Variants in PGCKA1 observed in about 807,000 individuals in gnomAD.
The protein encoded by PGCKA1 is PDCD10 and GCKIII kinases associated 1, also known as PDCD10 and GCKIII kinases-associated protein 1.
At chr4:37,577,964 A>C in the PGCKA1 span, among the ~76,000 whole-genome samples, 2 of 152,224 alleles carry the variant, frequency 1.3e-5, no homozygotes, top group African/African-American at 4.8e-5. Flanking sequence ...TTTGTGACCT[A>C]ACATATGGTC....
the PGCKA1 span, among the ~76,000 whole-genome samples, chr4:37,485,258 A>T: frequency 6.6e-6 from 1 of 152,158 alleles, no homozygotes; most frequent in Non-Finnish European, 1.5e-5. Flanking sequence ...TGTCCCCCAA[A>T]GTTCATGAGT....
the PGCKA1 span, among the ~76,000 whole-genome samples, chr4:37,521,933 T>C: frequency 3.9e-5 from 6 of 152,268 alleles, no homozygotes; most frequent in Non-Finnish European, 5.9e-5. Flanking sequence ...TTTATCTTTA[T>C]GTAGTGACCT....
the PGCKA1 span, among the ~76,000 whole-genome samples, chr4:37,495,778 C>T: frequency 6.6e-6 from 1 of 151,884 alleles, no homozygotes; most frequent in East Asian, 1.9e-4. Context: ...ATGGGTGCAG[C>T]AAACCACCAT....
the PGCKA1 span, among the ~76,000 whole-genome samples, chr4:37,473,783 G>C: frequency 6.6e-6 from 1 of 151,986 alleles, no homozygotes; most frequent in South Asian, 2.1e-4. Context: ...CAGAATATAT[G>C]CACCACTCAT....
the PGCKA1 span, among the ~76,000 whole-genome samples, chr4:37,574,535 T>G: frequency 6.6e-6 from 1 of 152,216 alleles, no homozygotes; most frequent in Non-Finnish European, 1.5e-5. Context: ...AGGCTTGCAA[T>G]GCATAATAAT....
the PGCKA1 span, among the ~76,000 whole-genome samples, chr4:37,554,465 A>G: frequency 0.039 from 5,966 of 152,188 alleles, 255 homozygotes; most frequent in East Asian, 0.11. Flanking sequence ...TCTGCTCCTC[A>G]GCCTCCTGAG....
At chr4:37,512,551 G>C in the PGCKA1 span, among the ~76,000 whole-genome samples, 1 of 150,184 alleles carries the variant, frequency 6.7e-6, no homozygotes, top group Non-Finnish European at 1.5e-5. Context: ...CCGCCTCCTG[G>C]GTTCAAGCAA....
the PGCKA1 span, among the ~76,000 whole-genome samples, chr4:37,528,720 G>A: frequency 5.9e-5 from 9 of 152,162 alleles, no homozygotes; most frequent in Non-Finnish European, 1.0e-4. Context: ...TATAGTCTGC[G>A]GTAGCAAGAG....
chr4:37,508,693 G>GTTTTTTTTTTTTTTTTTTTTTT, the PGCKA1 span, among the ~76,000 whole-genome samples: 75 of 53,206 alleles, frequency 1.4e-3, no homozygotes, highest in South Asian at 4.7e-3. Context: ...CTTTTTTTTA[G>GTTTTTTTTTTTTTTTTTTTTTT]TATTTATTGA....
the PGCKA1 span, among the ~76,000 whole-genome samples, chr4:37,504,068 C>A: frequency 6.6e-6 from 1 of 152,170 alleles, no homozygotes; most frequent in African/African-American, 2.4e-5. Flanking sequence ...ATAGTAGTTT[C>A]ACAGTTTGAG....
At chr4:37,590,527 A>G in the PGCKA1 span, 2 of 1,614,218 alleles carry the variant, frequency 1.2e-6, no homozygotes, top group Non-Finnish European at 8.5e-7. Flanking sequence ...GACCCAAGTC[A>G]TGAGAAATGG....
At chr4:37,568,493 C>T in the PGCKA1 span, among the ~76,000 whole-genome samples, 2 of 152,218 alleles carry the variant, frequency 1.3e-5, no homozygotes, top group Non-Finnish European at 2.9e-5. Flanking sequence ...TTTGCTGTTA[C>T]ACACATTCTG....
chr4:37,453,896 G>A, the PGCKA1 span: 2 of 152,372 alleles, frequency 1.3e-5, no homozygotes, highest in Non-Finnish European at 2.9e-5. Context: ...CGGGCCCAAT[G>A]ACAGCGCTGG....
At chr4:37,465,248 A>G in the PGCKA1 span, among the ~76,000 whole-genome samples, 38 of 150,560 alleles carry the variant, frequency 2.5e-4, no homozygotes, top group African/African-American at 5.4e-4. Flanking sequence ...TTTTTTTTCT[A>G]TCAATGTGTA....
chr4:37,460,746 G>A, the PGCKA1 span: 85 of 330,088 alleles, frequency 2.6e-4, no homozygotes, highest in African/African-American at 1.7e-3. Context: ...ACCTTTGTCA[G>A]GTGGGTAGAT....
the PGCKA1 span, among the ~76,000 whole-genome samples, chr4:37,565,920 C>T: frequency 4.1e-4 from 63 of 152,122 alleles, no homozygotes; most frequent in Non-Finnish European, 7.8e-4. Flanking sequence ...GGCAGAAAAA[C>T]GTCAAAAGGT....
At chr4:37,492,250 G>T in the PGCKA1 span, among the ~76,000 whole-genome samples, 1 of 152,084 alleles carries the variant, frequency 6.6e-6, no homozygotes, top group Admixed American at 6.5e-5. The surrounding 1 kb of genome is among the most constrained non-coding windows in gnomAD (Gnocchi z 4.7). Flanking sequence ...CATAGTTTCT[G>T]GTCCCTCCAG....
At chr4:37,528,907 T>G in the PGCKA1 span, among the ~76,000 whole-genome samples, 1 of 152,212 alleles carries the variant, frequency 6.6e-6, no homozygotes, top group African/African-American at 2.4e-5. Flanking sequence ...AGAGAAAAAT[T>G]CCTGCTTTGT....
the PGCKA1 span, among the ~76,000 whole-genome samples, chr4:37,548,004 A>AAAAAAG: frequency 7.4e-6 from 1 of 134,774 alleles, no homozygotes; most frequent in African/African-American, 2.5e-5. Flanking sequence ...TTATCTTCAA[A>AAAAAAG]AAAAAAAGGA....
Sources: allele counts gnomAD v4.1 joint callset (sites outside exome capture counted in the v4.1 genomes callset), GRCh38; gene constraint gnomAD v4.1.1; non-coding constraint Gnocchi (gnomAD v3.1); transcripts MANE v1.5; gene names NCBI Gene and HGNC (gene_info 2026-07-23, HGNC 2026-07-21).